The following SPTSSB variants were observed in gnomAD, a reference collection of about 807,000 sequenced individuals.
SPTSSB encodes androgen down regulated in mouse prostate.
SPTSSB carries 6 observed loss-of-function variants against 7.7 expected under a neutral mutation model. That is an observed-to-expected ratio of 0.78 (90% CI 0.43 to 1.54). The LOEUF (loss-of-function observed/expected upper bound fraction) is 1.54, where lower values mean the gene tolerates loss of function less well. Ranked by LOEUF, SPTSSB falls within the 40% of genes most tolerant of loss-of-function variation. The probability of loss-of-function intolerance (pLI) is 0.01; values close to 1 mark genes in which losing one functional copy is unlikely to be tolerated. For synonymous variants in SPTSSB, 28 were observed against 29.7 expected (o/e 0.94, Z 0.19); for missense variants, 91 against 93.0 (o/e 0.98, Z 0.09).
chr3:161,346,927 C>A (rs1170296005), intron 2 of SPTSSB, among the ~76,000 whole-genome samples: 1 of 152,260 alleles, frequency 6.6e-6, no homozygotes, highest in Admixed American at 6.5e-5. Flanking sequence ...GGAATGGCCA[C>A]AGTGAGGCCA....
intron 2 of SPTSSB, chr3:161,359,556 A>G (rs1210351825): frequency 3.4e-6 from 1 of 289,978 alleles, no homozygotes; most frequent in Non-Finnish European, 5.1e-6. Flanking sequence ...ATTTTGCATA[A>G]ACATTTTTCT....
At chr3:161,369,347 T>TC (rs1553804972) in intron 1 of SPTSSB, among the ~76,000 whole-genome samples, 10 of 105,280 alleles carry the variant, frequency 9.5e-5, no homozygotes, top group African/African-American at 4.0e-4. Context: ...TTTCTTTCTT[T>TC]CTTTCTCTTT....
intron 1 of SPTSSB, among the ~76,000 whole-genome samples, chr3:161,370,209 G>GA (rs1715448165): frequency 6.6e-6 from 1 of 152,160 alleles, no homozygotes; most frequent in African/African-American, 2.4e-5. Flanking sequence ...AGTGAATTAA[G>GA]AAAACCAATG....
intron 1 of SPTSSB, among the ~76,000 whole-genome samples, chr3:161,366,280 A>G (rs1034776751): frequency 6.6e-6 from 1 of 152,234 alleles, no homozygotes; most frequent in Non-Finnish European, 1.5e-5. Flanking sequence ...TCTTTGAGCA[A>G]TTTTTGTTAT....
At chr3:161,364,694 T>A (rs1002235431) in intron 1 of SPTSSB, among the ~76,000 whole-genome samples, 2 of 137,078 alleles carry the variant, frequency 1.5e-5, no homozygotes, top group Admixed American at 6.9e-5. Context: ...ATTTATTTAA[T>A]TTTTTTTGCT....
At chr3:161,346,508 C>G (rs1217391058) in intron 2 of SPTSSB, among the ~76,000 whole-genome samples, 153 bp from the exon 3 acceptor site, 1 of 151,906 alleles carries the variant, frequency 6.6e-6, no homozygotes, top group African/African-American at 2.4e-5. Context: ...ATAATACATA[C>G]TATATTAACT....
chr3:161,352,825 A>C (rs1401574583), intron 2 of SPTSSB, among the ~76,000 whole-genome samples: 1 of 152,162 alleles, frequency 6.6e-6, no homozygotes, highest in African/African-American at 2.4e-5. Context: ...AATATATATA[A>C]CAAATGCTTT....
intron 2 of SPTSSB, among the ~76,000 whole-genome samples, chr3:161,351,846 G>C (rs573543808): frequency 6.6e-6 from 1 of 152,040 alleles, no homozygotes; most frequent in South Asian, 2.1e-4. Context: ...CAACTTTAAG[G>C]CTTAAGTGTT....
rs1257025918 is a variant in SPTSSB, at chr3:161,369,274, CTTCTTTCTTTCTTTTCTTTCTTTCT to C, written c.-126+2136_-126+2160del. On this transcript the variant is annotated intron_variant, in intron 1 of 2. Transcript: ENST00000620149. ...TCTTTCTTTCTTTCTCTTTCTTTTTCTTCTTTCTTTCTTTTCTTTCTTTCTTTCTTTCTTTCTTTCTCTTTCTTTC... is the reference window on the plus strand; with the variant it reads ...TCTTTCTTTCTTTCTCTTTCTTTTTCTTCTTTCTTTCTTTCTCTTTCTTTC... 5.6e-4 allele frequency among the ~76,000 whole-genome samples: 77 copies of C among 137,438 alleles called. 1 individual carries two copies. Among genetic ancestry groups the C allele is most frequent in the South Asian group, 7.6e-4 (3 of 3,972 alleles). 90.2% of individuals were successfully genotyped at this position (137,438 alleles called of 152,430 possible).
At chr3:161,361,178 G>A (rs16847274) in intron 1 of SPTSSB, among the ~76,000 whole-genome samples, 6,091 of 152,216 alleles carry the variant, frequency 0.04, 144 homozygotes, top group African/African-American at 0.055. Context: ...GGGTGTTATA[G>A]GCTGACATGG....
chr3:161,359,751 G>C, intron 2 of SPTSSB, 51 bp downstream of exon 2: 1 of 985,342 alleles, frequency 1.0e-6, no homozygotes, highest in East Asian at 1.1e-4. Context: ...ACAGTGAAAA[G>C]GGGCAGATTT....
At chr3:161,349,081 T>C (rs1366285482) in intron 2 of SPTSSB, among the ~76,000 whole-genome samples, 1 of 152,204 alleles carries the variant, frequency 6.6e-6, no homozygotes, top group Non-Finnish European at 1.5e-5. Flanking sequence ...GAGAATTCAT[T>C]CATTCATTGA....
At chr3:161,369,531 T>C (rs1036424903) in intron 1 of SPTSSB, among the ~76,000 whole-genome samples, 2 of 151,634 alleles carry the variant, frequency 1.3e-5, no homozygotes, top group South Asian at 4.2e-4. Context: ...TGTTTCTACC[T>C]GCTCTTTGGA....
intron 2 of SPTSSB, chr3:161,348,251 GCAAAACAAAACAAAACAAAACAAAA>G (rs10551450): frequency 3.3e-4 from 48 of 146,492 alleles, no homozygotes; most frequent in Admixed American, 1.4e-3. Context: ...TGAGATCCTG[GCAAAACAAAACAAAACAAAACAAAA>G]CAAAACAAAA....
At chr3:161,365,936 C>G (rs1250316585) in intron 1 of SPTSSB, among the ~76,000 whole-genome samples, 2 of 152,126 alleles carry the variant, frequency 1.3e-5, no homozygotes, top group Non-Finnish European at 2.9e-5. Flanking sequence ...AGACTGGTTG[C>G]TTTTTCCCTC....
chr3:161,367,049 C>T lies in SPTSSB; in HGVS notation c.-126+4386G>A, dbSNP rs149904073. 4.4e-3 allele frequency among the ~76,000 whole-genome samples: 665 copies of T among 152,206 alleles called. 3 individuals carry two copies. Among genetic ancestry groups the T allele is most frequent in the African/African-American group, 0.015 (632 of 41,544 alleles). ...AAATTTAGCTGGGCGTGGTGGCAGA[C>T]GCCTGTAATCCCAGCTACTGGGGAG... On this transcript the variant is annotated intron_variant, in intron 1 of 2. Coordinates refer to ENST00000620149, the MANE Select transcript of SPTSSB (RefSeq NM_001040100.2).
intron 1 of SPTSSB, among the ~76,000 whole-genome samples, chr3:161,368,842 T>C (rs1715333968): frequency 6.6e-6 from 1 of 152,260 alleles, no homozygotes; most frequent in Non-Finnish European, 1.5e-5. Context: ...TTCTTTCACT[T>C]AACGTAATCT....
intron 2 of SPTSSB, among the ~76,000 whole-genome samples, chr3:161,350,722 G>A (rs892181361): frequency 5.3e-5 from 8 of 152,056 alleles, no homozygotes; most frequent in African/African-American, 1.9e-4. Context: ...TAAAAAATTA[G>A]AAATACAGCG....
At chr3:161,354,355 T>G (rs1444386150) in intron 2 of SPTSSB, among the ~76,000 whole-genome samples, 1 of 152,220 alleles carries the variant, frequency 6.6e-6, no homozygotes, top group Admixed American at 6.5e-5. Context: ...TATGCATTTA[T>G]TTATTGAGAC....
Sources: allele counts gnomAD v4.1 joint callset (sites outside exome capture counted in the v4.1 genomes callset), GRCh38; gene constraint gnomAD v4.1.1; transcripts MANE v1.5; gene names NCBI Gene and HGNC (gene_info 2026-07-23, HGNC 2026-07-21).